SLC12A8: variants seen among roughly 807,000 people sequenced by gnomAD.
SLC12A8 encodes the protein solute carrier family 12 member 8.
In SLC12A8, 69 loss-of-function variants were observed where a neutral mutation model predicts 75.6. That is an observed-to-expected ratio of 0.91 (90% CI 0.75 to 1.11). SLC12A8 has a LOEUF of 1.11. Among genes scored for constraint, SLC12A8 ranks in the 50% most tolerant of loss-of-function variants. The pLI is 0.00. For missense variants in SLC12A8, 877 were observed against 896.7 expected (o/e 0.98, Z 0.28); for synonymous variants, 365 against 372.8 (o/e 0.98, Z 0.24).
intron 10 of SLC12A8, among the ~76,000 whole-genome samples, chr3:125,099,279 C>T (rs1484383871): frequency 6.6e-6 from 1 of 152,170 alleles, no homozygotes; most frequent in Non-Finnish European, 1.5e-5. Context: ...ACGGGGGAGG[C>T]AGATGCCACA....
Position 125,177,954 on chromosome 3 carries a change from A to G in SLC12A8, c.411T>C (p.Tyr137=), listed in dbSNP as rs767917697. 1.2e-6 allele frequency: 2 copies of G among 1,613,418 alleles called. No homozygotes were observed. Among genetic ancestry groups the G allele is most frequent in the Admixed American group, 1.7e-5 (1 of 59,920 alleles). The part of the protein sequence containing the change: ...VFGQCVAGAM[Y]ITGFAESISD... ...AGATGGATTCAGCAAAGCCGGTGAT[A>G]TACATGGCACCTGCAACACACTGAC... The change falls in exon 5 of 14, where the codon TAT becomes TAC. Residue 137 remains tyrosine, a synonymous_variant. Coordinates refer to ENST00000469902, the MANE Select transcript of SLC12A8 (RefSeq NM_024628.6).
At chr3:125,209,251 A>C (rs538056988) in intron 2 of SLC12A8, among the ~76,000 whole-genome samples, 1 of 152,360 alleles carries the variant, frequency 6.6e-6, no homozygotes, top group Admixed American at 6.5e-5. Flanking sequence ...GGCACATAGC[A>C]AAAAGGATGA....
intron 5 of SLC12A8, among the ~76,000 whole-genome samples, chr3:125,146,385 T>G (rs981521900): frequency 1.3e-5 from 2 of 152,214 alleles, no homozygotes; most frequent in Non-Finnish European, 2.9e-5. Flanking sequence ...ATGTAACTAA[T>G]GCCACCGAAT....
chr3:125,142,393 GCAGTTACAGGTTAT>G (rs1170688473), intron 5 of SLC12A8, among the ~76,000 whole-genome samples: 1 of 152,214 alleles, frequency 6.6e-6, no homozygotes, highest in African/African-American at 2.4e-5. Context: ...AAAGGGTGAA[GCAGTTACAGGTTAT>G]CAGGGAGGAG....
chr3:125,177,090 G>T (rs952206567), intron 5 of SLC12A8, among the ~76,000 whole-genome samples: 4 of 151,908 alleles, frequency 2.6e-5, no homozygotes, highest in African/African-American at 9.7e-5. Flanking sequence ...GTCCAACAAT[G>T]ATAGACTGGA....
intron 3 of SLC12A8, among the ~76,000 whole-genome samples, chr3:125,188,916 G>C (rs1003463010): frequency 2.0e-5 from 3 of 152,212 alleles, no homozygotes; most frequent in Non-Finnish European, 2.9e-5. Flanking sequence ...GTCTTGCCCA[G>C]ACTTCTTATG....
chr3:125,123,368 CA>C (rs946250094), intron 6 of SLC12A8, among the ~76,000 whole-genome samples: 1 of 52,094 alleles, frequency 1.9e-5, no homozygotes, highest in African/African-American at 9.0e-5. Context: ...AGATCCATCT[CA>C]GGAAAAAAAA....
At chr3:125,207,193 T>A (rs1167618684) in intron 2 of SLC12A8, among the ~76,000 whole-genome samples, 1 of 152,138 alleles carries the variant, frequency 6.6e-6, no homozygotes, top group Admixed American at 6.5e-5. Context: ...TCCCACGGCC[T>A]GCAGCGGGTT....
intron 4 of SLC12A8, among the ~76,000 whole-genome samples, chr3:125,178,362 A>G (rs560949532): frequency 1.3e-5 from 2 of 152,320 alleles, no homozygotes; most frequent in Admixed American, 6.5e-5. Flanking sequence ...ACAGAGCCTT[A>G]AAAGGACACT....
chr3:125,120,658 GCCC>G lies in SLC12A8; in HGVS notation c.762_764del (p.Gly255del). The G allele has an allele frequency of 6.2e-7, 1 of 1,613,414 alleles. No individual in the cohort carries two copies. The highest frequency in any genetic ancestry group is 8.5e-7 in the Non-Finnish European group (1 of 1,179,822). ...TGCTGGCGGCAGGCTCCCTGAGGTCGCCCCCCATGTTGAAGCCGGCCATGACTC... is the reference window on the plus strand; with the variant it reads ...TGCTGGCGGCAGGCTCCCTGAGGTCGCCCATGTTGAAGCCGGCCATGACTC... On this transcript the variant is annotated inframe_deletion, in exon 7 of 14. Transcript: ENST00000469902.
At chr3:125,199,018 T>A (rs1307376587) in intron 2 of SLC12A8, among the ~76,000 whole-genome samples, 1 of 152,092 alleles carries the variant, frequency 6.6e-6, no homozygotes, top group South Asian at 2.1e-4. Flanking sequence ...GACCTCGTGA[T>A]CCACCCTCCT....
In SLC12A8 at chr3:125,135,767, C is replaced by T. The variant is rs1438026099; in HGVS notation, c.638G>A (p.Gly213Glu). The change falls in exon 6 of 14, where the codon GGA becomes GAA. Residue 213 changes from glycine to glutamate, a missense_variant. By Grantham distance (98) the Gly-to-Glu change is moderately conservative (BLOSUM62 -2). Transcript: ENST00000469902. ...THLDPEHGFI[G>E]YSPELLQNNT... is the part of the protein sequence containing the mutation. ...GTTCTGTAGCAGTTCGGGTGAATAT[C>T]CAATGAAACCATGTTCTGAAATAAA... 1 of 1,600,610 alleles carries T rather than the reference C, an allele frequency of 6.2e-7. No individual in the cohort carries two copies. The highest frequency in any genetic ancestry group is 8.5e-7 in the Non-Finnish European group (1 of 1,172,724).
At chr3:125,131,679 G>T (rs1327839542) in intron 6 of SLC12A8, among the ~76,000 whole-genome samples, 2 of 152,152 alleles carry the variant, frequency 1.3e-5, no homozygotes, top group African/African-American at 4.8e-5. Flanking sequence ...TGAGCCACCA[G>T]GCCGGGCCCA....
intron 10 of SLC12A8, among the ~76,000 whole-genome samples, chr3:125,106,277 A>G (rs926546185): frequency 6.6e-6 from 1 of 152,198 alleles, no homozygotes; most frequent in Non-Finnish European, 1.5e-5. Flanking sequence ...TTTTTAATTA[A>G]AAGTTTCCCA....
chr3:125,112,896 G>A (rs1428141194), intron 8 of SLC12A8, among the ~76,000 whole-genome samples: 1 of 152,182 alleles, frequency 6.6e-6, no homozygotes, highest in African/African-American at 2.4e-5. Flanking sequence ...TGATTCTAAT[G>A]TGCAGCCGAT....
chr3:125,101,019 C>CAAAAAAAA (rs59602383), intron 10 of SLC12A8, among the ~76,000 whole-genome samples: 1 of 86,724 alleles, frequency 1.2e-5, no homozygotes, highest in Non-Finnish European at 2.1e-5. Context: ...GACTCCGTCT[C>CAAAAAAAA]AAAAAAAAAA....
chr3:125,088,076 G>A (rs943146512), intron 13 of SLC12A8: 2 of 531,546 alleles, frequency 3.8e-6, no homozygotes, highest in Non-Finnish European at 6.8e-6. Flanking sequence ...GATGACTGAG[G>A]ATAAGAAGGG....
chr3:125,128,410 G>T (rs1479988973), intron 6 of SLC12A8, among the ~76,000 whole-genome samples: 1 of 142,102 alleles, frequency 7.0e-6, no homozygotes, highest in Non-Finnish European at 1.5e-5. Context: ...TCGATCTCCT[G>T]ACCTCGTGAT....
intron 5 of SLC12A8, among the ~76,000 whole-genome samples, chr3:125,163,267 T>G (rs1015046497): frequency 1.3e-5 from 2 of 151,370 alleles, no homozygotes; most frequent in African/African-American, 4.9e-5. Flanking sequence ...ACCACTGCAC[T>G]CTAACCTGGG....
Sources: gnomAD v4.1 joint callset for allele counts (sites outside exome capture counted in the v4.1 genomes callset) on GRCh38, gnomAD v4.1.1 for gene constraint, MANE v1.5 for transcripts, NCBI Gene and HGNC (gene_info 2026-07-23, HGNC 2026-07-21) for gene names.